SHOC2: variants seen among roughly 807,000 people sequenced by gnomAD.
SHOC2 encodes SHOC2 leucine rich repeat scaffold protein, also known as leucine-rich repeat protein SHOC-2.
A neutral mutation model predicts 50.2 loss-of-function variants in SHOC2; 4 were observed. That is an observed-to-expected ratio of 0.08 (90% CI 0.04 to 0.18). The LOEUF (loss-of-function observed/expected upper bound fraction) is 0.18. Ranked by LOEUF, SHOC2 falls within the 10% of genes least tolerant of loss-of-function variation. The probability of loss-of-function intolerance (pLI) is 1.00; values close to 1 mark genes in which losing one functional copy is unlikely to be tolerated. For missense variants in SHOC2, 388 were observed against 669.6 expected (o/e 0.58, Z 4.64); for synonymous variants, 218 against 244.5 (o/e 0.89, Z 1.01).
intron 1 of SHOC2, among the ~76,000 whole-genome samples, chr10:110,944,557 A>C (rs889897988): frequency 2.6e-5 from 4 of 152,222 alleles, no homozygotes; most frequent in African/African-American, 9.6e-5. Context: ...TTTAAATAAT[A>C]AATGATCTTT....
intron 2 of SHOC2, among the ~76,000 whole-genome samples, chr10:110,968,053 A>G (rs1052743458): frequency 6.6e-6 from 1 of 152,162 alleles, no homozygotes; most frequent in Non-Finnish European, 1.5e-5. Flanking sequence ...ACTGTTTTCC[A>G]AAGGGACTGC....
chr10:110,999,464 G>T (rs541118828), intron 3 of SHOC2, among the ~76,000 whole-genome samples: 2 of 152,044 alleles, frequency 1.3e-5, no homozygotes, highest in Non-Finnish European at 2.9e-5. Flanking sequence ...TCAGCTGGGC[G>T]CAGTGGCTCA....
intron 1 of SHOC2, among the ~76,000 whole-genome samples, chr10:110,927,464 G>A (rs1846799594): frequency 6.6e-6 from 1 of 152,090 alleles, no homozygotes; most frequent in South Asian, 2.1e-4. Context: ...TATATACTAG[G>A]CAGCTTAAAA....
chr10:110,923,677 AT>A (rs1347007149), intron 1 of SHOC2, among the ~76,000 whole-genome samples: 1 of 101,800 alleles, frequency 9.8e-6, no homozygotes, highest in African/African-American at 2.6e-5. Context: ...GTAAGGATTC[AT>A]TTATGAGAAA....
intron 4 of SHOC2, 79 bp downstream of exon 4, chr10:111,000,624 C>CTAGTAAATTCA: frequency 7.8e-7 from 1 of 1,279,274 alleles, no homozygotes; most frequent in Non-Finnish European, 1.1e-6. Flanking sequence ...ATCTTTATAG[C>CTAGTAAATTCA]AGGGTAAATA....
At chr10:110,979,532 A>T (rs764722475) in intron 2 of SHOC2, among the ~76,000 whole-genome samples, 1 of 152,060 alleles carries the variant, frequency 6.6e-6, no homozygotes, top group Non-Finnish European at 1.5e-5. Context: ...TTAAGGGTAA[A>T]TTCCCTCTAG....
At chr10:110,933,127 C>G (rs903971866) in intron 1 of SHOC2, among the ~76,000 whole-genome samples, 2 of 151,970 alleles carry the variant, frequency 1.3e-5, no homozygotes, top group East Asian at 1.9e-4. Context: ...TTCAGATTTT[C>G]TTTGTAGGTA....
chr10:111,000,348 C>A, intron 3 of SHOC2, 67 bp from the exon 4 acceptor site: 1 of 1,490,440 alleles, frequency 6.7e-7, no homozygotes, highest in Admixed American at 1.7e-5. Context: ...TAGTAGATAG[C>A]CTGTGACAGT....
chr10:110,937,564 G>A (rs1847051946), intron 1 of SHOC2, among the ~76,000 whole-genome samples: 1 of 152,072 alleles, frequency 6.6e-6, no homozygotes, highest in Admixed American at 6.6e-5. Context: ...TCCTCTCCTA[G>A]TTGTTTTCAG....
chr10:110,923,350 CT>C (rs1846692200), intron 1 of SHOC2, among the ~76,000 whole-genome samples: 1 of 151,930 alleles, frequency 6.6e-6, no homozygotes, highest in Admixed American at 6.6e-5. Flanking sequence ...CTTTTATGTT[CT>C]AAAATATATA....
chr10:110,949,276 A>G (rs1368287554), intron 1 of SHOC2, among the ~76,000 whole-genome samples: 1 of 152,214 alleles, frequency 6.6e-6, no homozygotes, highest in Non-Finnish European at 1.5e-5. Flanking sequence ...CTGATACAAC[A>G]GAAATACAAA....
intron 1 of SHOC2, among the ~76,000 whole-genome samples, chr10:110,946,302 A>C (rs1847245525): frequency 1.3e-5 from 2 of 150,850 alleles, no homozygotes; most frequent in South Asian, 4.3e-4. Context: ...TATTCTAAAA[A>C]ATTATGTCTA....
intron 4 of SHOC2, 138 bp downstream of exon 4, chr10:111,000,683 A>G: frequency 1.3e-6 from 1 of 745,436 alleles, no homozygotes; most frequent in South Asian, 1.6e-5. Context: ...TGAATGTACC[A>G]CCACCGCTGA....
chr10:110,972,553 G>A (rs751400612), intron 2 of SHOC2, among the ~76,000 whole-genome samples: 2 of 152,144 alleles, frequency 1.3e-5, no homozygotes, highest in Non-Finnish European at 2.9e-5. Context: ...ACCCAGAGAA[G>A]TTATTATTGC....
chr10:110,996,395 T>A (rs144424958), intron 3 of SHOC2, among the ~76,000 whole-genome samples: 1 of 151,962 alleles, frequency 6.6e-6, no homozygotes, highest in African/African-American at 2.4e-5. Context: ...GGTGTGGTGG[T>A]GCATGCCTGT....
chr10:110,990,748 C>CA (rs549711905), intron 3 of SHOC2, among the ~76,000 whole-genome samples: 108 of 148,966 alleles, frequency 7.2e-4, no homozygotes, highest in Non-Finnish European at 1.1e-3. Context: ...TGCTACTGCT[C>CA]AAAAAAAACA....
At chr10:110,950,235 G>C (rs1023076517) in intron 1 of SHOC2, among the ~76,000 whole-genome samples, 1 of 151,934 alleles carries the variant, frequency 6.6e-6, no homozygotes, top group Non-Finnish European at 1.5e-5. Context: ...AACCAGTTGT[G>C]TTTCCATAAA....
At chr10:110,996,982 G>C (rs1848280042) in intron 3 of SHOC2, among the ~76,000 whole-genome samples, 1 of 152,214 alleles carries the variant, frequency 6.6e-6, no homozygotes, top group South Asian at 2.1e-4. Flanking sequence ...AGTGAGTTAA[G>C]TATCAGGAAA....
chr10:110,925,638 G>A (rs1488560927), intron 1 of SHOC2, among the ~76,000 whole-genome samples: 1 of 152,036 alleles, frequency 6.6e-6, no homozygotes, highest in African/African-American at 2.4e-5. Context: ...TCTATTTTTT[G>A]TAGAGACTAG....
Sources: allele counts gnomAD v4.1 joint callset (sites outside exome capture counted in the v4.1 genomes callset), GRCh38; gene constraint gnomAD v4.1.1; transcripts MANE v1.5; gene names NCBI Gene and HGNC (gene_info 2026-07-23, HGNC 2026-07-21).